Variants in BRAF observed in about 807,000 individuals in gnomAD.
BRAF encodes serine/threonine-protein kinase B-raf.
Under a neutral mutation model 104.6 loss-of-function variants are expected in BRAF, and 16 were observed. The observed-to-expected ratio is 0.15, with a 90% CI of 0.10 to 0.23. BRAF has a LOEUF of 0.23. Among genes scored for constraint, BRAF ranks in the 10% least tolerant of loss-of-function variants. The pLI is 1.00. For synonymous variants in BRAF, 310 were observed against 341.6 expected (o/e 0.91, Z 1.02); for missense variants, 541 against 937.3 (o/e 0.58, Z 5.52).
chr7:140,774,520 C>T (rs1800145212), intron 14 of BRAF, among the ~76,000 whole-genome samples: 1 of 152,136 alleles, frequency 6.6e-6, no homozygotes, highest in South Asian at 2.1e-4. Context: ...GCCACTACAC[C>T]CAGCCTGTTT....
In BRAF at chr7:140,787,596, T is replaced by C. The variant is rs375704079; in HGVS notation, c.1141-12A>G. 2.6e-5 allele frequency: 42 copies of C among 1,605,536 alleles called. No homozygotes were observed. Among genetic ancestry groups the C allele is most frequent in the African/African-American group, 2.0e-4 (15 of 74,718 alleles). On this transcript the variant is annotated splice_polypyrimidine_tract_variant and intron_variant, in intron 8 of 19. Transcript: ENST00000644969. ...TCTCTAATCAAGTCCTACAAATAAA[T>C]AGTAATGTATATTTATTCCAAGCAA... is the stretch of plus-strand genomic sequence containing the variant.
At chr7:140,895,522 T>C (rs1277867065) in intron 1 of BRAF, among the ~76,000 whole-genome samples, 1 of 152,170 alleles carries the variant, frequency 6.6e-6, no homozygotes, top group Non-Finnish European at 1.5e-5. Context: ...CTAGAACTTA[T>C]TCCTCCTATC....
intron 2 of BRAF, 22 bp from the exon 3 acceptor site, chr7:140,834,894 T>C (rs1433984213): frequency 6.2e-6 from 10 of 1,613,626 alleles, no homozygotes; most frequent in Non-Finnish European, 7.6e-6. Flanking sequence ...AGCAGACTTA[T>C]ATTCAATCCG....
At chr7:140,745,354 A>G (rs1404980759) in intron 17 of BRAF, among the ~76,000 whole-genome samples, 1 of 152,194 alleles carries the variant, frequency 6.6e-6, no homozygotes, top group East Asian at 1.9e-4. Context: ...AAAATCAAAG[A>G]CAACTCTCAT....
intron 1 of BRAF, among the ~76,000 whole-genome samples, chr7:140,882,036 C>A (rs1313783736): frequency 6.6e-6 from 1 of 152,008 alleles, no homozygotes; most frequent in African/African-American, 2.4e-5. Flanking sequence ...GGAAAAATGG[C>A]GCTAACAGAC....
At chr7:140,747,937 T>A (rs1453632857) in intron 17 of BRAF, among the ~76,000 whole-genome samples, 2 of 152,184 alleles carry the variant, frequency 1.3e-5, no homozygotes, top group Non-Finnish European at 2.9e-5. Context: ...AGATCCAAAG[T>A]CATGTTGTTA....
chr7:140,873,772 A>G (rs560751824), intron 1 of BRAF, among the ~76,000 whole-genome samples: 9 of 152,308 alleles, frequency 5.9e-5, no homozygotes, highest in Admixed American at 1.3e-4. Context: ...GGAGACACAG[A>G]GGAGCCCGGA....
intron 18 of BRAF, among the ~76,000 whole-genome samples, chr7:140,738,718 G>A (rs1452415281): frequency 6.6e-6 from 1 of 152,138 alleles, no homozygotes; most frequent in South Asian, 2.1e-4. Context: ...CTGGGTTCAA[G>A]CGATTCTCAT....
At chr7:140,760,819 C>A (rs200055072) in intron 14 of BRAF, among the ~76,000 whole-genome samples, 40 of 151,520 alleles carry the variant, frequency 2.6e-4, no homozygotes, top group Admixed American at 1.8e-3. Context: ...TGAAATGAAG[C>A]GAGAAGGGAA....
chr7:140,896,582 T>C (rs1011524786), intron 1 of BRAF, among the ~76,000 whole-genome samples: 1 of 149,112 alleles, frequency 6.7e-6, no homozygotes, highest in Non-Finnish European at 1.5e-5. Flanking sequence ...TAGAAACACA[T>C]GGCCCAGGCG....
At chr7:140,847,737 T>C (rs1808727415) in intron 2 of BRAF, among the ~76,000 whole-genome samples, 1 of 152,238 alleles carries the variant, frequency 6.6e-6, no homozygotes, top group African/African-American at 2.4e-5. Flanking sequence ...CAAGATGTGA[T>C]ATTATTTCCA....
chr7:140,811,873 C>A (rs936832127), intron 3 of BRAF, among the ~76,000 whole-genome samples: 1 of 152,072 alleles, frequency 6.6e-6, no homozygotes, highest in African/African-American at 2.4e-5. Flanking sequence ...AATTTATAGA[C>A]CATAACTACT....
Position 140,721,300 on chromosome 7 carries a change from T to C in BRAF, c.*5194A>G, listed in dbSNP as rs1292813376. On this transcript the variant is annotated 3_prime_UTR_variant, in exon 20 of 20. Coordinates refer to ENST00000644969, the MANE Select transcript of BRAF (RefSeq NM_001374258.1). The stretch of plus-strand genomic sequence containing the variant: ...GCCGACTAATTGCCCCATGCATTTT[T>C]TTTTTTTAAAGCACTGTTACCTTAA... 1.2e-5 allele frequency: 14 copies of C among 1,162,428 alleles called. No homozygotes were observed. In the East Asian group the frequency reaches 4.6e-4, roughly 38 times the overall value. The allele number at this position is 1,162,428 out of a possible 1,614,324, so 72.0% of individuals were successfully genotyped here. A position where few individuals can be genotyped will look rare whatever the true frequency, so the allele number is the denominator to read the frequency against.
chr7:140,768,200 T>G (rs1799510710), intron 14 of BRAF, among the ~76,000 whole-genome samples: 1 of 152,230 alleles, frequency 6.6e-6, no homozygotes, highest in Admixed American at 6.5e-5. Context: ...TGCTTTTTAT[T>G]TATGTTTACA....
At chr7:140,824,444 T>C (rs933618963) in intron 3 of BRAF, 6 of 152,162 alleles carry the variant, frequency 3.9e-5, no homozygotes, top group African/African-American at 1.4e-4. Context: ...TTGTCAAAGA[T>C]CATTTGACCA....
At chr7:140,866,760 T>G (rs1431833937) in intron 1 of BRAF, among the ~76,000 whole-genome samples, 5 of 152,094 alleles carry the variant, frequency 3.3e-5, no homozygotes, top group Non-Finnish European at 7.4e-5. Context: ...AGTAATGAAT[T>G]ATCTTCTCTC....
intron 1 of BRAF, among the ~76,000 whole-genome samples, chr7:140,895,194 T>G (rs1814740837): frequency 6.6e-6 from 1 of 152,138 alleles, no homozygotes; most frequent in Non-Finnish European, 1.5e-5. Flanking sequence ...TACAATTACT[T>G]ACCTAAATAG....
intron 1 of BRAF, among the ~76,000 whole-genome samples, chr7:140,859,475 T>C (rs1226195854): frequency 1.3e-5 from 2 of 152,156 alleles, no homozygotes; most frequent in Admixed American, 1.3e-4. Context: ...TTTTCTCCAC[T>C]AAACCTTATT....
In BRAF at chr7:140,726,371, C is replaced by T. The variant is rs1443672352; in HGVS notation, c.*123G>A. On this transcript the variant is annotated 3_prime_UTR_variant, in exon 20 of 20. Coordinates refer to ENST00000644969, the MANE Select transcript of BRAF (RefSeq NM_001374258.1). ...GAAATTCCATTCTGTTCCACATCAG[C>T]TTATGCATTGGAAATTTTGTATCTT... The T allele has an allele frequency of 2.0e-6, 3 of 1,498,800 alleles. No individual in the cohort carries two copies. Among genetic ancestry groups the T allele is most frequent in the Non-Finnish European group, 2.7e-6 (3 of 1,131,734 alleles). The allele number at this position is 1,498,800 out of a possible 1,614,324, so 92.8% of individuals were successfully genotyped here.
Sources: allele counts gnomAD v4.1 joint callset (sites outside exome capture counted in the v4.1 genomes callset), GRCh38; gene constraint gnomAD v4.1.1; transcripts MANE v1.5; gene names NCBI Gene and HGNC (gene_info 2026-07-23, HGNC 2026-07-21).